The following NTM variants were observed in gnomAD, a reference collection of about 807,000 sequenced individuals.
The protein encoded by NTM is IgLON family member 2.
NTM carries 13 observed loss-of-function variants against 42.1 expected under a neutral mutation model. The ratio of observed to expected loss-of-function variants is 0.31; its 90% CI spans 0.20 to 0.49. The LOEUF (loss-of-function observed/expected upper bound fraction) is 0.49. Ranked by LOEUF, NTM falls within the 20% of genes least tolerant of loss-of-function variation. NTM has a pLI of 0.99. For missense variants in NTM, 373 were observed against 452.8 expected (o/e 0.82, Z 1.60); for synonymous variants, 187 against 179.2 (o/e 1.04, Z -0.35).
intron 1 of NTM, among the ~76,000 whole-genome samples, chr11:131,874,030 A>ATATAAATATATATATATATAT (rs1555162935): frequency 2.6e-5 from 2 of 76,632 alleles, no homozygotes; most frequent in African/African-American, 3.7e-5. Flanking sequence ...AATATAATAT[A>ATATAAATATATATATATATAT]ATATATATAT....
chr11:131,963,858 G>A (rs755092429), intron 2 of NTM, among the ~76,000 whole-genome samples: 4 of 152,140 alleles, frequency 2.6e-5, no homozygotes, highest in Admixed American at 6.5e-5. Flanking sequence ...AGATACTGTG[G>A]CTATCATTCT....
At chr11:131,381,822 C>A (rs563967469) in intron 1 of NTM, among the ~76,000 whole-genome samples, 15 of 152,292 alleles carry the variant, frequency 9.8e-5, no homozygotes, top group African/African-American at 3.6e-4. Context: ...TGTTATAAAG[C>A]AGATGCCCAG....
At chr11:131,751,755 TC>T (rs1224864732) in intron 1 of NTM, among the ~76,000 whole-genome samples, 12 of 134,122 alleles carry the variant, frequency 8.9e-5, no homozygotes, top group African/African-American at 1.1e-4. Flanking sequence ...CAAGATTCCG[TC>T]CCCCCCTCAC....
intron 1 of NTM, among the ~76,000 whole-genome samples, chr11:131,602,850 G>C (rs2060611852): frequency 6.6e-6 from 1 of 152,188 alleles, no homozygotes; most frequent in Non-Finnish European, 1.5e-5. Context: ...ATGCCCAAGA[G>C]TCATCCCTGA....
intron 1 of NTM, chr11:131,371,170 C>A (rs929947066): frequency 4.9e-6 from 4 of 814,968 alleles, no homozygotes; most frequent in Admixed American, 1.2e-4. Context: ...TGGCTTCATG[C>A]ACATTCTTGC....
At chr11:131,996,912 G>A (rs1470529984) in intron 2 of NTM, among the ~76,000 whole-genome samples, 3 of 152,118 alleles carry the variant, frequency 2.0e-5, no homozygotes, top group East Asian at 1.9e-4. Flanking sequence ...AAACACTCCT[G>A]TAAATGGGAA....
At chr11:131,411,527 ATTT>A (rs2135755291) in intron 1 of NTM, among the ~76,000 whole-genome samples, 1 of 147,762 alleles carries the variant, frequency 6.8e-6, no homozygotes, top group Non-Finnish European at 1.5e-5. Context: ...CTCCTGAAGT[ATTT>A]AGGGGGGGCC....
At chr11:131,806,022 G>A (rs1392445682) in intron 1 of NTM, among the ~76,000 whole-genome samples, 1 of 152,122 alleles carries the variant, frequency 6.6e-6, no homozygotes, top group African/African-American at 2.4e-5. Flanking sequence ...GACATCCATT[G>A]TTTCAATTTA....
chr11:131,538,920 G>GTTT (rs1379340660), intron 1 of NTM, among the ~76,000 whole-genome samples: 1 of 33,994 alleles, frequency 2.9e-5, no homozygotes, highest in African/African-American at 7.1e-5. Flanking sequence ...TGTTAACTTA[G>GTTT]CTTTTTTTTT....
chr11:131,661,876 A>G (rs886186812), intron 1 of NTM, among the ~76,000 whole-genome samples: 1 of 152,214 alleles, frequency 6.6e-6, no homozygotes, highest in Non-Finnish European at 1.5e-5. Context: ...CATTCTATTT[A>G]ACAGTCTATA....
chr11:131,798,238 G>A (rs550888229), intron 1 of NTM, among the ~76,000 whole-genome samples: 6 of 152,198 alleles, frequency 3.9e-5, no homozygotes, highest in Non-Finnish European at 8.8e-5. Flanking sequence ...GCTGCCGTCT[G>A]CAGGCTCCCC....
chr11:132,236,304 A>G (rs2088881663), intron 4 of NTM, among the ~76,000 whole-genome samples: 1 of 152,214 alleles, frequency 6.6e-6, no homozygotes, highest in Admixed American at 6.5e-5. Flanking sequence ...AAAGTTATAT[A>G]GTAATAACTT....
intron 1 of NTM, among the ~76,000 whole-genome samples, chr11:131,428,880 C>CAAAAAAAAAAA (rs35312475): frequency 1.7e-4 from 14 of 83,982 alleles, no homozygotes; most frequent in African/African-American, 3.3e-4. Context: ...ACTAAAAATA[C>CAAAAAAAAAAA]AAAAAAAAAA....
intron 2 of NTM, among the ~76,000 whole-genome samples, chr11:132,057,730 T>C (rs370747671): frequency 6.6e-6 from 1 of 152,236 alleles, no homozygotes; most frequent in South Asian, 2.1e-4. Context: ...AACATCTTAG[T>C]TGGATTTTGA....
At chr11:131,444,324 G>A (rs554387686) in intron 1 of NTM, among the ~76,000 whole-genome samples, 3 of 152,028 alleles carry the variant, frequency 2.0e-5, no homozygotes, top group African/African-American at 7.2e-5. Context: ...AAAAGTCCAA[G>A]GAGTGCGTCT....
chr11:131,814,415 T>C (rs1031652968), intron 1 of NTM, among the ~76,000 whole-genome samples: 1 of 152,180 alleles, frequency 6.6e-6, no homozygotes, highest in Non-Finnish European at 1.5e-5. Context: ...AACCAGATTG[T>C]GTGTCCACAC....
Position 132,169,320 on chromosome 11 carries a change from C to CTTTTTTTTTTTTTTTTT in NTM, c.400+22822_400+22838dup, listed in dbSNP as rs567723794. Among the ~76,000 whole-genome samples, 118 of 32,376 alleles carry CTTTTTTTTTTTTTTTTT rather than the reference C, an allele frequency of 3.6e-3. 45 individuals are homozygous for CTTTTTTTTTTTTTTTTT. Among genetic ancestry groups the CTTTTTTTTTTTTTTTTT allele is most frequent in the Admixed American group, 5.9e-3 (9 of 1,514 alleles). 21.2% of individuals were successfully genotyped at this position (32,376 alleles called of 152,430 possible). On this transcript the variant is annotated intron_variant, in intron 3 of 8. Coordinates refer to ENST00000683400, the MANE Select transcript of NTM (RefSeq NM_001352005.2). ...GTGATATCTAGGTTTAATTTTTTTA[C>CTTTTTTTTTTTTTTTTT]TTTTTTTTTTTTTTTTTTTTTTTTT... is the stretch of plus-strand genomic sequence containing the variant.
chr11:131,544,073 C>T (rs2053619036), intron 1 of NTM, among the ~76,000 whole-genome samples: 1 of 152,076 alleles, frequency 6.6e-6, no homozygotes, highest in South Asian at 2.1e-4. Context: ...TACTTCTCAG[C>T]CTGGAAAAGA....
At chr11:131,796,072 C>T (rs763343784) in intron 1 of NTM, 97 of 985,246 alleles carry the variant, frequency 9.8e-5, no homozygotes, top group African/African-American at 1.2e-4. Context: ...AACAGGAAAG[C>T]GTAACTCACA....
Sources: gnomAD v4.1 joint callset for allele counts (sites outside exome capture counted in the v4.1 genomes callset) on GRCh38, gnomAD v4.1.1 for gene constraint, MANE v1.5 for transcripts, NCBI Gene and HGNC (gene_info 2026-07-23, HGNC 2026-07-21) for gene names.